The following MDN1 variants were observed in gnomAD, a reference collection of about 807,000 sequenced individuals.
MDN1 encodes midasin AAA ATPase 1, also known as midasin.
In MDN1, 266 loss-of-function variants were observed where a neutral mutation model predicts 669.2. The ratio of observed to expected loss-of-function variants is 0.40; its 90% CI spans 0.36 to 0.44. The LOEUF (loss-of-function observed/expected upper bound fraction) is 0.44. MDN1 is among the 20% of genes least tolerant of loss of function. The pLI is 1.00. For synonymous variants in MDN1, 2,385 were observed against 2,457.1 expected (o/e 0.97, Z 0.87); for missense variants, 5,940 against 6,754.0 (o/e 0.88, Z 4.22).
chr6:89,795,491 G>A (rs960197568), intron 2 of MDN1, among the ~76,000 whole-genome samples: 1 of 151,952 alleles, frequency 6.6e-6, no homozygotes, highest in Non-Finnish European at 1.5e-5. Flanking sequence ...CTATTCAGGA[G>A]CCTGAAGCTG....
At chr6:89,712,446 TA>T in intron 48 of MDN1, 128 bp downstream of exon 48, 1 of 1,058,440 alleles carries the variant, frequency 9.4e-7, no homozygotes, top group Non-Finnish European at 1.4e-6. Flanking sequence ...CAATGAACAA[TA>T]AAACTATGAC....
chr6:89,673,562 A>C, intron 79 of MDN1, 100 bp from the exon 80 acceptor site: 28 of 1,041,074 alleles, frequency 2.7e-5, no homozygotes, highest in Non-Finnish European at 3.6e-5. Flanking sequence ...GGTAGAACTC[A>C]TCATAGCTGA....
chr6:89,808,944 C>T lies in MDN1; in HGVS notation c.103-5390G>A, dbSNP rs9294450. Among the ~76,000 whole-genome samples the T allele has an allele frequency of 6.5e-3, 991 of 152,188 alleles. 8 individuals carry two copies. The highest frequency in any genetic ancestry group is 0.012 in the African/African-American group (517 of 41,548). On this transcript the variant is annotated intron_variant, in intron 1 of 101. Transcript: ENST00000369393. ...AAAAGTATATGTATTTGGCTGGGCA[C>T]GGTGGCTCATGCCTGTAATCCCAGC...
chr6:89,678,866 T>A, intron 74 of MDN1, 121 bp from the exon 75 acceptor site: 1 of 1,038,244 alleles, frequency 9.6e-7, no homozygotes, highest in Non-Finnish European at 1.4e-6. Flanking sequence ...CATTCATCTT[T>A]ATACCCTGGG....
At chr6:89,652,842 A>AT (rs1184533487) in intron 94 of MDN1, 150 bp downstream of exon 94, 4 of 740,856 alleles carry the variant, frequency 5.4e-6, no homozygotes, top group Non-Finnish European at 6.5e-6. Flanking sequence ...TACCAATAGT[A>AT]TTCCTAAAAA....
chr6:89,684,856 A>G lies in MDN1; in HGVS notation c.11829+20T>C. 1 of 1,479,230 alleles carries G rather than the reference A, an allele frequency of 6.8e-7. No individual in the cohort carries two copies. 91.6% of individuals were successfully genotyped at this position (1,479,230 alleles called of 1,614,324 possible). ...TGATTTTGTCCTCCCAAGAGTGATC[A>G]TGACAGCTGTTCATCTTACTTTAAG... On this transcript the variant is annotated intron_variant, in intron 71 of 101. Coordinates refer to ENST00000369393, the MANE Select transcript of MDN1 (RefSeq NM_014611.3).
intron 10 of MDN1, among the ~76,000 whole-genome samples, chr6:89,781,055 T>C (rs1400373645): frequency 6.6e-6 from 1 of 151,916 alleles, no homozygotes; most frequent in African/African-American, 2.4e-5. Flanking sequence ...AAGACTTATT[T>C]AAGACTCCAA....
chr6:89,805,243 T>C (rs1435939346), intron 1 of MDN1, among the ~76,000 whole-genome samples: 1 of 152,048 alleles, frequency 6.6e-6, no homozygotes, highest in Non-Finnish European at 1.5e-5. Context: ...CAGTTTATCC[T>C]AAGAAGTTTC....
chr6:89,818,749 C>T (rs1769028341), intron 1 of MDN1, among the ~76,000 whole-genome samples: 1 of 150,380 alleles, frequency 6.6e-6, no homozygotes, highest in African/African-American at 2.5e-5. Context: ...GCGGAGGGTG[C>T]AGTAAGCCGA....
Position 89,689,556 on chromosome 6 carries a change from A to G in MDN1, c.11023+314T>C, listed in dbSNP as rs555862513. Among the ~76,000 whole-genome samples the G allele has an allele frequency of 2.2e-4, 34 of 151,388 alleles. 1 individual carries two copies. The highest frequency in any genetic ancestry group is 7.5e-4 in the African/African-American group (31 of 41,336). The stretch of plus-strand genomic sequence containing the variant: ...TTTGACAGCAGAAATAATGCTAAGG[A>G]AAAAAAAACACATACACGTACACAT... On this transcript the variant is annotated intron_variant, in intron 65 of 101. Coordinates refer to ENST00000369393, the MANE Select transcript of MDN1 (RefSeq NM_014611.3).
intron 76 of MDN1, 121 bp downstream of exon 76, chr6:89,677,449 T>C: frequency 7.8e-7 from 1 of 1,279,632 alleles, no homozygotes; most frequent in Non-Finnish European, 1.1e-6. Context: ...GGCACTTTTG[T>C]AAGTGGTAGC....
intron 14 of MDN1, 101 bp downstream of exon 14, chr6:89,772,472 T>C: frequency 7.4e-7 from 1 of 1,347,316 alleles, no homozygotes; most frequent in South Asian, 1.5e-5. Flanking sequence ...GTGCTGGCAC[T>C]CTTTAAACTC....
At chr6:89,656,928 C>T (rs1024861396) in intron 90 of MDN1, 127 bp from the exon 91 acceptor site, 3 of 764,980 alleles carry the variant, frequency 3.9e-6, no homozygotes, top group Admixed American at 5.5e-5. Flanking sequence ...TCACTCCTGC[C>T]TACCTGCCTG....
rs1321705578 is a variant in MDN1, at chr6:89,701,888, T to C, written c.8306+16A>G. 1 of 1,604,532 alleles carries C rather than the reference T, an allele frequency of 6.2e-7. No individual in the cohort carries two copies. Among genetic ancestry groups the C allele is most frequent in the East Asian group, 2.2e-5 (1 of 44,830 alleles). ...TCTGTAATCATTGACATTATTACTC[T>C]AAATATGAATCTTACTTGTCTTCAT... On this transcript the variant is annotated intron_variant, in intron 54 of 101. Transcript: ENST00000369393.
Position 89,701,544 on chromosome 6 carries a change from G to C in MDN1, c.8427+14C>G. On this transcript the variant is annotated intron_variant, in intron 55 of 101. Transcript: ENST00000369393. ...GTCACATTTCTTTTATTTACTAAAT[G>C]CTTCCAGGTGTACCTTAAAAGGAAA... 1 of 1,611,702 alleles carries C rather than the reference G, an allele frequency of 6.2e-7. No individual in the cohort carries two copies. The highest frequency in any genetic ancestry group is 8.5e-7 in the Non-Finnish European group (1 of 1,179,426).
At chr6:89,753,441 AAC>A in intron 22 of MDN1, 69 bp downstream of exon 22, 1 of 1,221,676 alleles carries the variant, frequency 8.2e-7, no homozygotes, top group Non-Finnish European at 1.2e-6. Flanking sequence ...AAAAAAAAAA[AAC>A]CAAACAGCTG....
At chr6:89,703,578 TTTCATAA>T (rs1813317137) in intron 53 of MDN1, among the ~76,000 whole-genome samples, 4 of 152,196 alleles carry the variant, frequency 2.6e-5, no homozygotes, top group Admixed American at 1.3e-4. Context: ...TCAAAGCTAT[TTTCATAA>T]TATCATGTTA....
Position 89,643,942 on chromosome 6 carries a change from C to A in MDN1, c.*63G>T. On this transcript the variant is annotated 3_prime_UTR_variant, in exon 102 of 102. Coordinates refer to ENST00000369393, the MANE Select transcript of MDN1 (RefSeq NM_014611.3). ...TTTTGTAGTTGTCCAAAAGGGAGCA[C>A]CTGGGTAAGCAATGTGACCTTCTGA... 1.5e-6 allele frequency: 2 copies of A among 1,371,974 alleles called. No individual in the cohort carries two copies. Among genetic ancestry groups the A allele is most frequent in the Non-Finnish European group, 2.0e-6 (2 of 1,023,978 alleles). 85.0% of individuals were successfully genotyped at this position (1,371,974 alleles called of 1,614,324 possible). A position where few individuals can be genotyped will look rare whatever the true frequency, so the allele number is the denominator to read the frequency against.
chr6:89,703,415 G>C (rs1328516584), intron 53 of MDN1, among the ~76,000 whole-genome samples: 1 of 151,492 alleles, frequency 6.6e-6, no homozygotes, highest in Non-Finnish European at 1.5e-5. Context: ...TGGTTTAAAT[G>C]TCTATTCTTA....
Sources: allele counts gnomAD v4.1 joint callset (sites outside exome capture counted in the v4.1 genomes callset), GRCh38; gene constraint gnomAD v4.1.1; transcripts MANE v1.5; gene names NCBI Gene and HGNC (gene_info 2026-07-23, HGNC 2026-07-21).